Variants in PPP6R2 observed in about 807,000 individuals in gnomAD.
PPP6R2 encodes the protein protein phosphatase 6 regulatory subunit 2, also known as serine/threonine-protein phosphatase 6 regulatory subunit 2.
Under a neutral mutation model 100.2 loss-of-function variants are expected in PPP6R2, and 62 were observed. That is an observed-to-expected ratio of 0.62 (90% CI 0.50 to 0.76). PPP6R2 has a LOEUF of 0.76. Ranked by LOEUF, PPP6R2 falls within the 30% of genes least tolerant of loss-of-function variation. The probability of loss-of-function intolerance (pLI) is 0.00; values close to 1 mark genes in which losing one functional copy is unlikely to be tolerated. For missense variants in PPP6R2, 1,142 were observed against 1,276.3 expected (o/e 0.89, Z 1.60); for synonymous variants, 525 against 514.7 (o/e 1.02, Z -0.27).
At chr22:50,411,723 A>C (rs1473618647) in intron 4 of PPP6R2, among the ~76,000 whole-genome samples, 1 of 152,066 alleles carries the variant, frequency 6.6e-6, no homozygotes, top group Non-Finnish European at 1.5e-5. Flanking sequence ...TCTGCACTCC[A>C]GCCTGGGCGA....
chr22:50,394,253 C>T lies in PPP6R2; in HGVS notation c.227+118C>T, dbSNP rs369316130. On this transcript the variant is annotated intron_variant, in intron 3 of 23. Transcript: ENST00000612753. ...TGATGAAGAAGCGAGCCGTAAAAAT[C>T]CACCCCATGTGAGAAGTGAGGAGGG... 3.7e-4 allele frequency: 544 copies of T among 1,463,936 alleles called. 2 individuals carry two copies. In the South Asian group the frequency reaches 6.6e-3, roughly 18 times the overall value. The allele number at this position is 1,463,936 out of a possible 1,614,324, so 90.7% of individuals were successfully genotyped here. A position where few individuals can be genotyped will look rare whatever the true frequency, so the allele number is the denominator to read the frequency against.
intron 16 of PPP6R2, 87 bp downstream of exon 16, chr22:50,437,690 G>A (rs1157517055): frequency 7.0e-6 from 10 of 1,424,374 alleles, no homozygotes; most frequent in East Asian, 4.7e-5. Context: ...AGGTCTTGCC[G>A]GGAGTGCCGT....
chr22:50,333,524 A>G, the PPP6R2 span, among the ~76,000 whole-genome samples: 1 of 152,040 alleles, frequency 6.6e-6, no homozygotes, highest in Non-Finnish European at 1.5e-5. Flanking sequence ...TAGTAGAAAC[A>G]GGTTTCACCG....
chr22:50,382,339 C>T (rs772660293), intron 2 of PPP6R2, among the ~76,000 whole-genome samples: 6 of 152,046 alleles, frequency 3.9e-5, no homozygotes, highest in Non-Finnish European at 8.8e-5. Context: ...TGGCTCATGC[C>T]TGTAATCCCA....
the PPP6R2 span, among the ~76,000 whole-genome samples, chr22:50,334,650 G>C: frequency 2.6e-4 from 40 of 152,076 alleles, no homozygotes; most frequent in Non-Finnish European, 4.4e-4. Context: ...GTATTAGCTT[G>C]TCAATTTCCA....
At chr22:50,438,458 A>G in intron 18 of PPP6R2, 141 bp from the exon 19 acceptor site, 1 of 1,430,108 alleles carries the variant, frequency 7.0e-7, no homozygotes, top group Non-Finnish European at 9.5e-7. Flanking sequence ...AGGAGCCCAG[A>G]GCTGAGGCCT....
At chr22:50,340,145 GGT>G (rs1439861227), upstream of PPP6R2, among the ~76,000 whole-genome samples, 1 of 137,566 alleles carries the variant, frequency 7.3e-6, no homozygotes, top group Non-Finnish European at 1.6e-5. Context: ...TACAGTGTGT[GGT>G]GTGTGTAGGG....
chr22:50,359,566 C>G (rs2047377996), intron 1 of PPP6R2, among the ~76,000 whole-genome samples: 1 of 151,976 alleles, frequency 6.6e-6, no homozygotes, highest in Admixed American at 6.6e-5. Flanking sequence ...TTGTCAGATG[C>G]TTTTTCTGTG....
intron 2 of PPP6R2, among the ~76,000 whole-genome samples, chr22:50,383,742 A>T (rs2053596517): frequency 6.6e-6 from 1 of 152,168 alleles, no homozygotes; most frequent in South Asian, 2.1e-4. Context: ...TAACTTAAAA[A>T]GGAAAAGGAT....
At chr22:50,403,020 C>T (rs181201632) in intron 3 of PPP6R2, among the ~76,000 whole-genome samples, 131 of 152,248 alleles carry the variant, frequency 8.6e-4, no homozygotes, top group Non-Finnish European at 1.7e-3. Context: ...CGAGACCAGC[C>T]TGGCCATCAT....
At chr22:50,437,454 C>T in intron 15 of PPP6R2, 52 bp from the exon 16 acceptor site, 1 of 1,307,362 alleles carries the variant, frequency 7.6e-7, no homozygotes, top group South Asian at 1.2e-5. Context: ...AGGCCTGATG[C>T]CTCCTCCATG....
chr22:50,392,480 G>T (rs2055830107), intron 2 of PPP6R2, among the ~76,000 whole-genome samples: 1 of 152,200 alleles, frequency 6.6e-6, no homozygotes, highest in Non-Finnish European at 1.5e-5. Context: ...TCACCTCTAA[G>T]CCCATGGGCA....
At chr22:50,443,821 T>G in intron 22 of PPP6R2, 45 bp from the exon 23 acceptor site, 1 of 1,531,750 alleles carries the variant, frequency 6.5e-7, no homozygotes. Context: ...GGGGTGGCAC[T>G]GAGGGTGGGG....
intron 17 of PPP6R2, 32 bp downstream of exon 17, chr22:50,437,932 A>G (rs200031588): frequency 6.4e-7 from 1 of 1,563,900 alleles, no homozygotes; most frequent in Non-Finnish European, 8.7e-7. Flanking sequence ...GGGTGCCGCC[A>G]CCCTTTTCCC....
chr22:50,370,834 A>T (rs894999857), intron 1 of PPP6R2, among the ~76,000 whole-genome samples: 1 of 151,380 alleles, frequency 6.6e-6, no homozygotes, highest in African/African-American at 2.4e-5. Context: ...GGGTTTCACC[A>T]TGTTGGCCAG....
At chr22:50,429,657 G>C (rs1057116893) in intron 10 of PPP6R2, among the ~76,000 whole-genome samples, 13 of 152,168 alleles carry the variant, frequency 8.5e-5, no homozygotes, top group Non-Finnish European at 1.6e-4. Flanking sequence ...TTTTGGAAGA[G>C]TTTGAGAAGG....
At chr22:50,332,781 G>C in the PPP6R2 span, among the ~76,000 whole-genome samples, 1 of 151,258 alleles carries the variant, frequency 6.6e-6, no homozygotes, top group Non-Finnish European at 1.5e-5. Context: ...GCACCACCAC[G>C]CCCAGCTAAT....
At chr22:50,378,735 C>G (rs2052204425) in intron 2 of PPP6R2, among the ~76,000 whole-genome samples, 1 of 151,124 alleles carries the variant, frequency 6.6e-6, no homozygotes, top group Non-Finnish European at 1.5e-5. Flanking sequence ...AAAAAATTAG[C>G]TGGGCCTGGT....
intron 22 of PPP6R2, among the ~76,000 whole-genome samples, chr22:50,442,464 G>C (rs548465368): frequency 1.2e-3 from 190 of 152,380 alleles, no homozygotes; most frequent in African/African-American, 4.4e-3. Context: ...GCAGTCACTG[G>C]GAAGCCCAGG....
Sources: gnomAD v4.1 joint callset for allele counts (sites outside exome capture counted in the v4.1 genomes callset) on GRCh38, gnomAD v4.1.1 for gene constraint, MANE v1.5 for transcripts, NCBI Gene and HGNC (gene_info 2026-07-23, HGNC 2026-07-21) for gene names.